EIF4ENIF1: variants seen among roughly 807,000 people sequenced by gnomAD.
The protein encoded by EIF4ENIF1 is eukaryotic translation initiation factor 4E nuclear import factor 1.
Under a neutral mutation model 110.5 loss-of-function variants are expected in EIF4ENIF1, and 23 were observed. The observed-to-expected ratio is 0.21, with a 90% CI of 0.15 to 0.29. The LOEUF (loss-of-function observed/expected upper bound fraction) is 0.29, where lower values mean the gene tolerates loss of function less well. EIF4ENIF1 is among the 10% of genes least tolerant of loss of function. The pLI is 1.00. For synonymous variants in EIF4ENIF1, 440 were observed against 437.0 expected, an observed-to-expected ratio of 1.01 and a Z score of -0.09; for missense variants, 1,031 against 1,221.1, an observed-to-expected ratio of 0.84 and a Z score of 2.32.
intron 2 of EIF4ENIF1, among the ~76,000 whole-genome samples, chr22:31,481,512 A>T (rs1336727102): frequency 6.6e-6 from 1 of 152,178 alleles, no homozygotes; most frequent in African/African-American, 2.4e-5. Context: ...TTTGTCACAG[A>T]AATGCCACCT....
At position 31,467,792 on chromosome 22, in the gene EIF4ENIF1, C is replaced by CA. The variant is rs372497808; in HGVS notation, c.298+382dup. Among the ~76,000 whole-genome samples, 340 of 146,056 alleles carry CA rather than the reference C, an allele frequency of 2.3e-3. 2 individuals carry two copies. Among genetic ancestry groups the CA allele is most frequent in the South Asian group, 0.012 (55 of 4,584 alleles). On this transcript the variant is annotated intron_variant, in intron 4 of 18. Transcript: ENST00000330125. Reference sequence around the variant, plus strand: ...TAGGCAACAGAGCAAGACTCCGTCTCAAAAAAAAACAGAACAAAAAAAAAA... The same window carrying CA: ...TAGGCAACAGAGCAAGACTCCGTCTCAAAAAAAAAACAGAACAAAAAAAAAA...
chr22:31,463,237 G>T, intron 5 of EIF4ENIF1, 104 bp from the exon 6 acceptor site: 2 of 1,126,356 alleles, frequency 1.8e-6, no homozygotes, highest in Non-Finnish European at 1.3e-6. Flanking sequence ...AAGATATGAT[G>T]CTGTATACCT....
chr22:31,466,710 T>C (rs1355050302), intron 4 of EIF4ENIF1, among the ~76,000 whole-genome samples: 3 of 151,904 alleles, frequency 2.0e-5, no homozygotes, highest in Non-Finnish European at 2.9e-5. Context: ...TAAAAATGCT[T>C]ATGTTGATTT....
rs755832199 is a variant in EIF4ENIF1, at chr22:31,468,186, C to T, written c.287G>A (p.Arg96His). 10 of 1,614,048 alleles carry T rather than the reference C, an allele frequency of 6.2e-6. No homozygotes were observed. The highest frequency in any genetic ancestry group is 2.2e-5 in the East Asian group (1 of 44,876). Residue 96 changes from arginine to histidine, a missense_variant, in exon 4 of 19, where the codon CGC (arginine) becomes CAC (histidine). Physicochemically the swap from Arg to His is conservative, Grantham distance 29 (BLOSUM62 0). This residue lies in a region of EIF4ENIF1 where 704 missense variants were observed against 879.7 expected (regional missense o/e 0.80). Coordinates refer to ENST00000330125, the MANE Select transcript of EIF4ENIF1 (RefSeq NM_019843.4). Reference protein sequence around the residue: ...ELDTDRPSLVRRIVDPRERVK... With the variant: ...ELDTDRPSLVHRIVDPRERVK... ...GACTGTGTGCTCACCTACTATCCTG[C>T]GCACCAGGGAAGGCCGGTCTGTATC...
intron 2 of EIF4ENIF1, among the ~76,000 whole-genome samples, chr22:31,475,142 T>G (rs1189745697): frequency 6.6e-6 from 1 of 152,228 alleles, no homozygotes; most frequent in East Asian, 1.9e-4. Flanking sequence ...GCATTTGCAT[T>G]TATTTAGGAT....
intron 7 of EIF4ENIF1, among the ~76,000 whole-genome samples, chr22:31,458,155 G>A (rs1298763935): frequency 2.0e-5 from 3 of 151,408 alleles, no homozygotes; most frequent in African/African-American, 7.3e-5. Context: ...TTGAACCCAG[G>A]AGACGGAGGT....
At chr22:31,466,139 A>AC (rs1488201382) in intron 4 of EIF4ENIF1, among the ~76,000 whole-genome samples, 1 of 152,200 alleles carries the variant, frequency 6.6e-6, no homozygotes, top group East Asian at 1.9e-4. Flanking sequence ...GGGGCCAGGC[A>AC]CGGTGACTCA....
chr22:31,446,948 T>G (rs1265428034), intron 14 of EIF4ENIF1: 1 of 464,698 alleles, frequency 2.2e-6, no homozygotes, highest in East Asian at 7.0e-5. Context: ...CTGTCAGCTC[T>G]GGCCAAAAAA....
upstream of EIF4ENIF1, among the ~76,000 whole-genome samples, chr22:31,490,675 G>A (rs1418972776): frequency 6.6e-6 from 1 of 152,200 alleles, no homozygotes; most frequent in Non-Finnish European, 1.5e-5. Context: ...GACTCAGGCT[G>A]ACAGGGGGCC....
In EIF4ENIF1 at chr22:31,480,054, T is replaced by G. The variant is rs1000382588; in HGVS notation, c.97-8137A>C. 6.6e-5 allele frequency among the ~76,000 whole-genome samples: 10 copies of G among 152,108 alleles called. 1 individual carries two copies. The highest frequency in any genetic ancestry group is 1.7e-4 in the African/African-American group (7 of 41,406). ...TAGGAACTTACTGATCACGAATGAA[T>G]TCATTAAGATTACCATATGGCGAAT... On this transcript the variant is annotated intron_variant, in intron 2 of 18. Coordinates refer to ENST00000330125, the MANE Select transcript of EIF4ENIF1 (RefSeq NM_019843.4).
At chr22:31,456,110 C>G in intron 7 of EIF4ENIF1, 123 bp from the exon 8 acceptor site, 1 of 947,104 alleles carries the variant, frequency 1.1e-6, no homozygotes, top group South Asian at 2.0e-5. Context: ...AAGATAAATA[C>G]TCTCAGAACC....
intron 7 of EIF4ENIF1, among the ~76,000 whole-genome samples, chr22:31,456,377 C>G (rs1244802531): frequency 6.6e-6 from 1 of 151,928 alleles, no homozygotes; most frequent in South Asian, 2.1e-4. Flanking sequence ...GCGCCTGCCA[C>G]CACGCCCGGC....
rs2052193274 is a variant in EIF4ENIF1 at position 31,489,750 on chromosome 22, G to GCCCGCACCGGTCCCAGCGCCGCTC, written c.-108_-85dup. On this transcript the variant is annotated 5_prime_UTR_variant, in exon 1 of 19. Coordinates refer to ENST00000330125, the MANE Select transcript of EIF4ENIF1 (RefSeq NM_019843.4). The stretch of plus-strand genomic sequence containing the variant: ...CTCGGCCGCCGCTCCCCTCCCCGCT[G>GCCCGCACCGGTCCCAGCGCCGCTC]CCCGCACCGGTCCCAGCGCCGCTCC... 1.3e-5 allele frequency: 2 copies of GCCCGCACCGGTCCCAGCGCCGCTC among 151,386 alleles called. No homozygotes were observed. Among genetic ancestry groups the GCCCGCACCGGTCCCAGCGCCGCTC allele is most frequent in the Admixed American group, 1.3e-4 (2 of 15,160 alleles). 9.4% of individuals were successfully genotyped at this position (151,386 alleles called of 1,614,324 possible).
At chr22:31,491,056 A>C (rs544886163), upstream of EIF4ENIF1, among the ~76,000 whole-genome samples, 4 of 152,304 alleles carry the variant, frequency 2.6e-5, no homozygotes, top group East Asian at 7.7e-4. Flanking sequence ...AGAGGGAAAC[A>C]CTTGCACATC....
intron 7 of EIF4ENIF1, among the ~76,000 whole-genome samples, chr22:31,458,227 CAAA>C (rs199867405): frequency 9.7e-6 from 1 of 103,358 alleles, no homozygotes; most frequent in Admixed American, 1.0e-4. Context: ...GATTCCAACT[CAAA>C]AAAAAAAAAA....
intron 14 of EIF4ENIF1, among the ~76,000 whole-genome samples, chr22:31,445,297 T>C (rs1280943424): frequency 7.1e-6 from 1 of 141,016 alleles, no homozygotes; most frequent in African/African-American, 2.4e-5. Flanking sequence ...TCAAATCAAA[T>C]ACAGAATCAA....
At chr22:31,469,394 G>A (rs1008667609) in intron 3 of EIF4ENIF1, among the ~76,000 whole-genome samples, 1 of 152,318 alleles carries the variant, frequency 6.6e-6, no homozygotes, top group East Asian at 1.9e-4. Context: ...ATAGACCAAT[G>A]CCCCATGAAG....
intron 2 of EIF4ENIF1, among the ~76,000 whole-genome samples, chr22:31,475,721 T>TA (rs11089509): frequency 0.47 from 62,281 of 133,750 alleles, 14,557 homozygotes; most frequent in Middle Eastern, 0.55. Context: ...AGACTCCGTT[T>TA]AAAAAAAAAA....
chr22:31,454,046 A>G, intron 10 of EIF4ENIF1, 98 bp downstream of exon 10: 1 of 1,113,746 alleles, frequency 9.0e-7, no homozygotes, highest in Non-Finnish European at 1.3e-6. Context: ...AGAATTTCCA[A>G]CTTACTCAGA....
Sources: allele counts gnomAD v4.1 joint callset (sites outside exome capture counted in the v4.1 genomes callset), GRCh38; gene constraint gnomAD v4.1.1; regional missense constraint gnomAD v4.1.1; transcripts MANE v1.5; gene names NCBI Gene and HGNC (gene_info 2026-07-23, HGNC 2026-07-21).